Variants in STK32A observed in about 807,000 individuals in gnomAD.
STK32A encodes serine/threonine kinase 32A.
Under a neutral mutation model 53.2 loss-of-function variants are expected in STK32A, and 41 were observed. The observed-to-expected ratio is 0.77, with a 90% CI of 0.60 to 1.00. The LOEUF is 1.00. Among genes scored for constraint, STK32A ranks in the 50% least tolerant of loss-of-function variants. The pLI, the probability that STK32A is intolerant of heterozygous loss-of-function variation, is 0.00. For missense variants in STK32A, 458 were observed against 485.8 expected (o/e 0.94, Z 0.54); for synonymous variants, 166 against 162.8 (o/e 1.02, Z -0.15).
At chr5:147,323,797 C>A in intron 4 of STK32A, 101 bp from the exon 5 acceptor site, 2 of 1,044,166 alleles carry the variant, frequency 1.9e-6, no homozygotes, top group Non-Finnish European at 2.7e-6. Flanking sequence ...GAGCTCTTAG[C>A]TCAAGAACAC....
At chr5:147,276,309 T>C (rs776354426) in intron 2 of STK32A, among the ~76,000 whole-genome samples, 2 of 152,196 alleles carry the variant, frequency 1.3e-5, no homozygotes, top group African/African-American at 2.4e-5. Context: ...TCTACTCAAG[T>C]ATATGAAATG....
chr5:147,310,116 C>A (rs572455084), intron 4 of STK32A, among the ~76,000 whole-genome samples: 1 of 152,260 alleles, frequency 6.6e-6, no homozygotes, highest in Admixed American at 6.5e-5. Context: ...TTCCTGCGTT[C>A]CTGGTAGCGT....
Position 147,239,602 on chromosome 5 carries a change from A to C in STK32A, c.-33A>C. ...ATGGGTGTTTCTGCCCGGATAGTAT[A>C]AATCGAGGATCCAGGTCTGGGCAGA... On this transcript the variant is annotated 5_prime_UTR_variant, in exon 2 of 13. The change abolishes the stop of an existing upstream ORF in the 5' untranslated region. Coordinates refer to ENST00000397936, the MANE Select transcript of STK32A (RefSeq NM_001112724.2). The C allele has an allele frequency of 6.4e-7, 1 of 1,568,130 alleles. No individual in the cohort carries two copies. The highest frequency in any genetic ancestry group is 8.7e-7 in the Non-Finnish European group (1 of 1,148,708).
intron 4 of STK32A, among the ~76,000 whole-genome samples, chr5:147,291,905 G>C (rs980757071): frequency 3.5e-4 from 53 of 152,228 alleles, no homozygotes; most frequent in African/African-American, 1.3e-3. Context: ...CAAAAATAAT[G>C]AATGGCCATG....
intron 2 of STK32A, among the ~76,000 whole-genome samples, chr5:147,262,980 C>G (rs1446421868): frequency 6.8e-6 from 1 of 146,952 alleles, no homozygotes; most frequent in East Asian, 2.0e-4. Context: ...CATGTCCCTT[C>G]TACCAACTTG....
chr5:147,388,799 A>G (rs1159847458), downstream of STK32A, among the ~76,000 whole-genome samples: 1 of 152,168 alleles, frequency 6.6e-6, no homozygotes, highest in Non-Finnish European at 1.5e-5. Context: ...GTGAAAGTCA[A>G]TGTGTATCTT....
chr5:147,397,604 A>G, the STK32A span: 1 of 1,539,552 alleles, frequency 6.5e-7, no homozygotes, highest in Non-Finnish European at 8.9e-7. Flanking sequence ...CATGGTTACT[A>G]TCTCTGAGCG....
intron 2 of STK32A, among the ~76,000 whole-genome samples, chr5:147,248,601 A>G (rs1261552525): frequency 6.6e-6 from 1 of 152,054 alleles, no homozygotes; most frequent in Non-Finnish European, 1.5e-5. Flanking sequence ...ATCCTGCCCC[A>G]CTGTTCTACT....
At chr5:147,282,036 T>C (rs1752087408) in intron 4 of STK32A, among the ~76,000 whole-genome samples, 1 of 152,144 alleles carries the variant, frequency 6.6e-6, no homozygotes, top group African/African-American at 2.4e-5. Flanking sequence ...ATACAGTCAT[T>C]TTCAGACAAA....
chr5:147,352,689 C>A (rs549809057), intron 7 of STK32A, among the ~76,000 whole-genome samples: 2 of 152,264 alleles, frequency 1.3e-5, no homozygotes, highest in Admixed American at 6.5e-5. Flanking sequence ...GAATTTAATT[C>A]TTGATTAGAT....
chr5:147,293,502 A>C (rs1460960725), intron 4 of STK32A, among the ~76,000 whole-genome samples: 1 of 132,974 alleles, frequency 7.5e-6, no homozygotes, highest in Non-Finnish European at 1.6e-5. Context: ...AAAAAAAAAA[A>C]AAGGACTAAA....
chr5:147,336,557 CT>C (rs1304909444), intron 5 of STK32A, among the ~76,000 whole-genome samples: 1 of 152,116 alleles, frequency 6.6e-6, no homozygotes, highest in Non-Finnish European at 1.5e-5. Flanking sequence ...TTTCAGTAAA[CT>C]TTACTATGCT....
intron 4 of STK32A, among the ~76,000 whole-genome samples, chr5:147,285,433 A>G (rs964597459): frequency 1.3e-5 from 2 of 152,190 alleles, no homozygotes; most frequent in Non-Finnish European, 2.9e-5. Context: ...CAAATGCAAT[A>G]AAAACAAAGA....
At chr5:147,324,545 G>A (rs919375036) in intron 5 of STK32A, among the ~76,000 whole-genome samples, 3 of 152,092 alleles carry the variant, frequency 2.0e-5, no homozygotes, top group East Asian at 1.9e-4. Context: ...CAATAGCAAT[G>A]TCTTCTGCAT....
intron 2 of STK32A, among the ~76,000 whole-genome samples, chr5:147,245,416 T>G (rs993271485): frequency 6.6e-6 from 1 of 152,214 alleles, no homozygotes; most frequent in Non-Finnish European, 1.5e-5. Flanking sequence ...CAACCTTTTT[T>G]AAAAAATCTA....
chr5:147,343,175 C>T (rs755926759), intron 6 of STK32A, 132 bp downstream of exon 6: 5 of 950,142 alleles, frequency 5.3e-6, no homozygotes, highest in Non-Finnish European at 8.5e-6. Flanking sequence ...ACAAACTCCT[C>T]ATAGACAATA....
intron 2 of STK32A, among the ~76,000 whole-genome samples, chr5:147,275,730 T>A (rs756142775): frequency 6.6e-6 from 1 of 152,182 alleles, no homozygotes; most frequent in African/African-American, 2.4e-5. Context: ...TGTGTTTTTC[T>A]TTAATAAAGG....
chr5:147,368,515 C>A (rs1342635015), intron 8 of STK32A, among the ~76,000 whole-genome samples: 2 of 152,024 alleles, frequency 1.3e-5, no homozygotes, highest in African/African-American at 4.8e-5. Flanking sequence ...AGACTGTAGG[C>A]CCCACCAACA....
chr5:147,314,827 C>T (rs1277538298), intron 4 of STK32A, among the ~76,000 whole-genome samples: 2 of 151,626 alleles, frequency 1.3e-5, no homozygotes, highest in African/African-American at 4.8e-5. Flanking sequence ...TCACTGCAGC[C>T]TCAACATCCT....
Sources: allele counts gnomAD v4.1 joint callset (sites outside exome capture counted in the v4.1 genomes callset), GRCh38; gene constraint gnomAD v4.1.1; transcripts MANE v1.5; gene names NCBI Gene and HGNC (gene_info 2026-07-23, HGNC 2026-07-21).